Variants in CHD6 observed in about 807,000 individuals in gnomAD.
CHD6 encodes chromodomain helicase DNA binding protein 6, also known as ATP-dependent chromatin remodeler CHD6.
A neutral mutation model predicts 276.9 loss-of-function variants in CHD6; 50 were observed. The ratio of observed to expected loss-of-function variants is 0.18; its 90% confidence interval spans 0.14 to 0.23. The LOEUF (loss-of-function observed/expected upper bound fraction) is 0.23, where lower values mean the gene tolerates loss of function less well. Ranked by LOEUF, CHD6 falls within the 10% of genes least tolerant of loss-of-function variation. The probability of loss-of-function intolerance (pLI) is 1.00; values close to 1 mark genes in which losing one functional copy is unlikely to be tolerated. For missense variants in CHD6, 2,564 were observed against 3,365.8 expected (o/e 0.76, Z 5.89); for synonymous variants, 1,173 against 1,229.3 (o/e 0.95, Z 0.96).
chr20:41,422,092 G>T lies in CHD6; in HGVS notation c.4556-13C>A, dbSNP rs752640269. On this transcript the variant is annotated splice_polypyrimidine_tract_variant and intron_variant, in intron 30 of 36. Coordinates refer to ENST00000373233, the MANE Select transcript of CHD6 (RefSeq NM_032221.5). ...GTATCTGGGGGACCTGGAGAGAAAG[G>T]GAAATAAAGCCTATCACTGAAGGTG... 4.4e-6 allele frequency: 7 copies of T among 1,592,440 alleles called. No homozygotes were observed. In the South Asian group the frequency reaches 8.0e-5, roughly 18 times the overall value.
In CHD6 at chr20:41,491,747, C is replaced by T; in HGVS notation, c.1387G>A (p.Glu463Lys). The T allele has an allele frequency of 6.2e-7, 1 of 1,613,874 alleles. No individual in the cohort carries two copies. The highest frequency in any genetic ancestry group is 2.2e-5 in the East Asian group (1 of 44,848). The change falls in exon 11 of 37, where the codon GAG (glutamate) becomes AAG (lysine). Residue 463 changes from glutamate to lysine, a missense_variant. Coordinates refer to ENST00000373233, the MANE Select transcript of CHD6 (RefSeq NM_032221.5). ...CAGTTCATCCCTTCCAGCTGGTACT[C>T]CCGGAGCTGGTTACTGTTCTTATAC... ...REYKNSNQLREYQLEGMNWLL... is the reference protein window; with the variant it reads ...REYKNSNQLRKYQLEGMNWLL...
chr20:41,610,001 CAT>C (rs1414586735), intron 1 of CHD6, among the ~76,000 whole-genome samples: 1 of 151,830 alleles, frequency 6.6e-6, no homozygotes, highest in African/African-American at 2.4e-5. Flanking sequence ...GGATTACAGG[CAT>C]CTGCCACCAT....
chr20:41,460,897 CCA>C (rs2048526409), intron 17 of CHD6, among the ~76,000 whole-genome samples: 1 of 152,128 alleles, frequency 6.6e-6, no homozygotes, highest in East Asian at 1.9e-4. Context: ...CCTGGAGAAG[CCA>C]CAGACACTCA....
Position 41,617,486 on chromosome 20 carries a change from T to C in CHD6, c.-24+854A>G, listed in dbSNP as rs1254916493. ...TCTCACTAGTGAGGGGATTTCCTAA[T>C]AACGCCTTTAAAAAAAACCAAGTAG... On this transcript the variant is annotated intron_variant, in intron 1 of 36. Transcript: ENST00000373233. Among the ~76,000 whole-genome samples the C allele has an allele frequency of 3.9e-4, 59 of 152,158 alleles. 1 individual carries two copies. The highest frequency in any genetic ancestry group is 3.9e-3 in the Admixed American group (59 of 15,278).
At chr20:41,604,942 G>A (rs985534747) in intron 1 of CHD6, among the ~76,000 whole-genome samples, 49 of 152,136 alleles carry the variant, frequency 3.2e-4, no homozygotes, top group Non-Finnish European at 2.9e-5. Flanking sequence ...GGGGTGGGGA[G>A]GCTACAAATA....
chr20:41,504,926 C>T (rs368520989), intron 5 of CHD6, among the ~76,000 whole-genome samples: 1 of 152,152 alleles, frequency 6.6e-6, no homozygotes, highest in Non-Finnish European at 1.5e-5. Flanking sequence ...ATATTTTCTA[C>T]TACAAGTATT....
chr20:41,523,828 G>A (rs376306153), intron 3 of CHD6, among the ~76,000 whole-genome samples: 1 of 152,150 alleles, frequency 6.6e-6, no homozygotes, highest in African/African-American at 2.4e-5. Flanking sequence ...TACATGTCAC[G>A]ACATCGTACT....
intron 1 of CHD6, among the ~76,000 whole-genome samples, chr20:41,565,177 A>G (rs887474329): frequency 6.6e-6 from 1 of 151,782 alleles, no homozygotes; most frequent in Non-Finnish European, 1.5e-5. Context: ...GCTCACTGCA[A>G]CCTCTGCCTC....
In CHD6 at chr20:41,486,952, C is replaced by A. The variant is rs537207891; in HGVS notation, c.2001+713G>T. Among the ~76,000 whole-genome samples the A allele has an allele frequency of 6.6e-5, 10 of 152,218 alleles. 1 individual carries two copies. The highest frequency in any genetic ancestry group is 2.4e-4 in the African/African-American group (10 of 41,536). On this transcript the variant is annotated intron_variant, in intron 14 of 36. Coordinates refer to ENST00000373233, the MANE Select transcript of CHD6 (RefSeq NM_032221.5). ...TCAAATTGTACTCTCTCCCTAGAGTCTTTTCTAATTCTCAAATAGATGTAA... is the reference window on the plus strand; with the variant it reads ...TCAAATTGTACTCTCTCCCTAGAGTATTTTCTAATTCTCAAATAGATGTAA...
intron 1 of CHD6, among the ~76,000 whole-genome samples, chr20:41,558,174 C>T (rs972189413): frequency 6.6e-6 from 1 of 152,192 alleles, no homozygotes; most frequent in Non-Finnish European, 1.5e-5. Context: ...TCCACGCCCA[C>T]AAACTGGACA....
Position 41,457,348 on chromosome 20 carries a change from G to A in CHD6, c.2745C>T (p.Arg915=), listed in dbSNP as rs143434347. Residue 915 remains arginine, a synonymous_variant, in exon 18 of 37, where the codon CGC becomes CGT. Coordinates refer to ENST00000373233, the MANE Select transcript of CHD6 (RefSeq NM_032221.5). ...TTAGGCTGGCCTTGTCAAACATCTCGCGCTCGTAGGAATTTCGAGTGATGA... is the reference window on the plus strand; with the variant it reads ...TTAGGCTGGCCTTGTCAAACATCTCACGCTCGTAGGAATTTCGAGTGATGA... ...YRLITRNSYE[R]EMFDKASLKL... The A allele has an allele frequency of 4.0e-5, 64 of 1,613,976 alleles. No homozygotes were observed. In the South Asian group the frequency reaches 4.3e-4, roughly 11 times the overall value.
At position 41,577,691 on chromosome 20, in the gene CHD6, A is replaced by G. The variant is rs562928573; in HGVS notation, c.-23-26331T>C. On this transcript the variant is annotated intron_variant, in intron 1 of 36. Transcript: ENST00000373233. ...AACAAATATATGTGTAGATTATTGT[A>G]TGTTGAATAAACAGATTATCTTCCA... 1.4e-4 allele frequency among the ~76,000 whole-genome samples: 22 copies of G among 152,046 alleles called. No homozygotes were observed. In the South Asian group the frequency reaches 4.6e-3, roughly 32 times the overall value.
chr20:41,430,178 G>A (rs1473644979), intron 27 of CHD6, among the ~76,000 whole-genome samples: 2 of 152,164 alleles, frequency 1.3e-5, no homozygotes, highest in South Asian at 2.1e-4. Flanking sequence ...AGGTGAATCC[G>A]TTTATAATCT....
At chr20:41,555,021 A>C in intron 1 of CHD6, among the ~76,000 whole-genome samples, 1 of 135,730 alleles carries the variant, frequency 7.4e-6, no homozygotes, top group Non-Finnish European at 1.6e-5. Flanking sequence ...TGACCCCCCC[A>C]CCTCCCTCCC....
intron 1 of CHD6, among the ~76,000 whole-genome samples, chr20:41,563,358 T>C (rs569819971): frequency 2.6e-5 from 4 of 152,224 alleles, no homozygotes; most frequent in Non-Finnish European, 5.9e-5. Flanking sequence ...CTTGAAGCAG[T>C]ATCCTATGTT....
At chr20:41,454,554 G>A in intron 20 of CHD6, 72 bp downstream of exon 20, 2 of 1,161,306 alleles carry the variant, frequency 1.7e-6, no homozygotes, top group East Asian at 4.7e-5. Flanking sequence ...AATGACTTGA[G>A]CTGTGTAGGA....
At chr20:41,519,140 GGGC>G (rs2044323406) in intron 3 of CHD6, among the ~76,000 whole-genome samples, 1 of 152,136 alleles carries the variant, frequency 6.6e-6, no homozygotes, top group Non-Finnish European at 1.5e-5. Context: ...AAAATTAGCC[GGGC>G]ATGGTGGCGC....
chr20:41,577,591 AGT>A (rs2045488479), intron 1 of CHD6, among the ~76,000 whole-genome samples: 1 of 152,234 alleles, frequency 6.6e-6, no homozygotes, highest in African/African-American at 2.4e-5. Flanking sequence ...GTGGACATGT[AGT>A]GTGTGTGTGT....
In CHD6 at chr20:41,420,010, C is replaced by T. The variant is rs77809194; in HGVS notation, c.6127+498G>A. 1.6e-3 allele frequency among the ~76,000 whole-genome samples: 237 copies of T among 152,348 alleles called. 2 individuals carry two copies. Among genetic ancestry groups the T allele is most frequent in the East Asian group, 0.013 (69 of 5,190 alleles). ...CTGAAAGGAATCTAAATCAAATGCACTGACCTTAAGCCACACAGTTTTGAC... is the reference window on the plus strand; with the variant it reads ...CTGAAAGGAATCTAAATCAAATGCATTGACCTTAAGCCACACAGTTTTGAC... On this transcript the variant is annotated intron_variant, in intron 31 of 36. Coordinates refer to ENST00000373233, the MANE Select transcript of CHD6 (RefSeq NM_032221.5).
Sources: gnomAD v4.1 joint callset for allele counts (sites outside exome capture counted in the v4.1 genomes callset) on GRCh38, gnomAD v4.1.1 for gene constraint, MANE v1.5 for transcripts, NCBI Gene and HGNC (gene_info 2026-07-23, HGNC 2026-07-21) for gene names.